The following OPCML variants were observed in gnomAD, a reference collection of about 807,000 sequenced individuals.
The protein encoded by OPCML is opioid-binding protein/cell adhesion molecule.
Under a neutral mutation model 37.8 loss-of-function variants are expected in OPCML, and 13 were observed. The ratio of observed to expected loss-of-function variants is 0.34; its 90% CI spans 0.22 to 0.55. The LOEUF (loss-of-function observed/expected upper bound fraction) is 0.55. Ranked by LOEUF, OPCML falls within the 20% of genes least tolerant of loss-of-function variation. OPCML has a pLI of 0.91. For missense variants in OPCML, 341 were observed against 435.6 expected (o/e 0.78, Z 1.93); for synonymous variants, 176 against 168.8 (o/e 1.04, Z -0.33).
rs112351877 is a variant in OPCML, at chr11:133,136,159, A to G, written c.62-193149T>C. ...TAGGAGACACCTAAGAAAAATTAAT[A>G]ATGCATACAGTAAAACCCATTTAGG... On this transcript the variant is annotated intron_variant, in intron 1 of 7. Transcript: ENST00000524381. Among the ~76,000 whole-genome samples the G allele has an allele frequency of 3.6e-3, 548 of 152,330 alleles. 1 individual carries two copies. The highest frequency in any genetic ancestry group is 0.012 in the African/African-American group (508 of 41,574).
intron 1 of OPCML, among the ~76,000 whole-genome samples, chr11:132,984,633 C>G (rs189694429): frequency 6.6e-6 from 1 of 152,200 alleles, no homozygotes; most frequent in East Asian, 1.9e-4. Flanking sequence ...TATTTTCCAT[C>G]GCTATGTGTA....
chr11:132,933,890 G>C (rs925392191), intron 2 of OPCML, among the ~76,000 whole-genome samples: 1 of 152,126 alleles, frequency 6.6e-6, no homozygotes, highest in Non-Finnish European at 1.5e-5. Flanking sequence ...CAATATCTCA[G>C]TGTAAGCCCA....
At chr11:132,543,355 C>T (rs926720355) in intron 3 of OPCML, among the ~76,000 whole-genome samples, 1 of 151,558 alleles carries the variant, frequency 6.6e-6, no homozygotes, top group Non-Finnish European at 1.5e-5. Flanking sequence ...CTTTAAAATG[C>T]ACACACACAC....
intron 3 of OPCML, among the ~76,000 whole-genome samples, chr11:132,632,977 C>T (rs978956234): frequency 6.7e-5 from 10 of 149,626 alleles, no homozygotes; most frequent in South Asian, 4.2e-4. Context: ...TCCAGGATGA[C>T]GAATTTATTC....
intron 3 of OPCML, among the ~76,000 whole-genome samples, chr11:132,629,539 T>C (rs549836041): frequency 3.5e-4 from 53 of 152,338 alleles, no homozygotes; most frequent in Middle Eastern, 3.4e-3. Context: ...CAAGAAACTT[T>C]CAGAAGTTAG....
intron 1 of OPCML, among the ~76,000 whole-genome samples, chr11:133,180,515 G>A (rs561134431): frequency 6.6e-5 from 10 of 152,210 alleles, no homozygotes; most frequent in African/African-American, 2.4e-4. Flanking sequence ...AGGGGCAAGA[G>A]GATCTGCACA....
rs141235423 is a variant in OPCML at position 132,783,078 on chromosome 11, C to A, written c.147-125759G>T. 1.7e-3 allele frequency among the ~76,000 whole-genome samples: 263 copies of A among 151,908 alleles called. 1 individual carries two copies. The highest frequency in any genetic ancestry group is 6.1e-3 in the African/African-American group (252 of 41,420). ...CTGTGGAAGTTTGAAAAGGTCAGTT[C>A]ACCTCTTTGGGTGAACCTACTTATT... On this transcript the variant is annotated intron_variant, in intron 2 of 7. Transcript: ENST00000524381.
chr11:132,573,625 T>G (rs534486740), intron 3 of OPCML, among the ~76,000 whole-genome samples: 6 of 151,998 alleles, frequency 3.9e-5, no homozygotes, highest in Non-Finnish European at 7.4e-5. Flanking sequence ...CTGTCCAATT[T>G]GGTTTGCTAA....
intron 3 of OPCML, among the ~76,000 whole-genome samples, chr11:132,571,937 T>TA (rs2096439572): frequency 1.3e-5 from 2 of 152,276 alleles, no homozygotes; most frequent in South Asian, 2.1e-4. Context: ...ATATTTATTT[T>TA]AAAAAAATTG....
At chr11:132,776,904 A>T (rs760417012) in intron 2 of OPCML, among the ~76,000 whole-genome samples, 1 of 151,980 alleles carries the variant, frequency 6.6e-6, no homozygotes, top group Non-Finnish European at 1.5e-5. Context: ...TTCCTGGAGA[A>T]TTTCCCTCTA....
At chr11:132,875,336 C>A (rs1254222516) in intron 2 of OPCML, among the ~76,000 whole-genome samples, 1 of 151,986 alleles carries the variant, frequency 6.6e-6, no homozygotes, top group Non-Finnish European at 1.5e-5. Context: ...GGAATAATAT[C>A]AAAATTATAA....
chr11:133,071,286 G>A (rs4406836), intron 1 of OPCML, among the ~76,000 whole-genome samples: 53,786 of 152,020 alleles, frequency 0.35, 11,310 homozygotes, highest in African/African-American at 0.56. Flanking sequence ...GTGTGTATGT[G>A]TGTGTGTGTT....
intron 1 of OPCML, among the ~76,000 whole-genome samples, chr11:133,483,647 G>T (rs1947435283): frequency 6.7e-6 from 1 of 148,454 alleles, no homozygotes; most frequent in African/African-American, 2.5e-5. Flanking sequence ...TAATAGATTA[G>T]GTAGATAGAC....
chr11:132,880,378 T>A (rs909840320), intron 2 of OPCML, among the ~76,000 whole-genome samples: 1 of 152,212 alleles, frequency 6.6e-6, no homozygotes, highest in African/African-American at 2.4e-5. Context: ...CCACGGGCCT[T>A]ATCTTTTGAT....
intron 1 of OPCML, among the ~76,000 whole-genome samples, chr11:133,251,385 G>C (rs1941129148): frequency 6.6e-6 from 1 of 152,048 alleles, no homozygotes; most frequent in South Asian, 2.1e-4. Context: ...ATCGTGTAGG[G>C]CATAGAACTC....
rs184633540 is a variant in OPCML, at chr11:133,009,132, C to A, written c.62-66122G>T. The A allele has an allele frequency of 1.1e-4, 107 of 985,346 alleles. 1 individual carries two copies. The East Asian group carries it at 5.9e-3, about 54-fold the overall frequency. The allele number at this position is 985,346 out of a possible 1,614,324, so 61.0% of individuals were successfully genotyped here. ...CTTTAATTCTATTTAACAGAGAACA[C>A]TGATTTAGATTAGGATTTATTTACT... On this transcript the variant is annotated intron_variant, in intron 1 of 7. Coordinates refer to ENST00000524381, the MANE Select transcript of OPCML (RefSeq NM_001012393.5).
chr11:132,657,236 A>G lies in OPCML; in HGVS notation c.230T>C (p.Ile77Thr), dbSNP rs779043744. 1.9e-6 allele frequency: 3 copies of G among 1,614,140 alleles called. No homozygotes were observed. Among genetic ancestry groups the G allele is most frequent in the Non-Finnish European group, 2.5e-6 (3 of 1,180,052 alleles). ...GACCAGGATGATCACACGAGGGTCT[A>G]TGGACCACTTGTCATTCCCAGCGTA... ...ILYAGNDKWS[I>T]DPRVIILVNT... The change falls in exon 3 of 8, where the codon ATA becomes ACA. Residue 77 changes from isoleucine to threonine, a missense_variant. Coordinates refer to ENST00000524381, the MANE Select transcript of OPCML (RefSeq NM_001012393.5).
intron 2 of OPCML, among the ~76,000 whole-genome samples, chr11:132,771,028 T>G (rs144715491): frequency 1.3e-5 from 2 of 152,304 alleles, no homozygotes; most frequent in African/African-American, 4.8e-5. Flanking sequence ...CTAGGAGTCC[T>G]GATCGCAGGG....
chr11:133,379,134 C>G (rs1308577528), intron 1 of OPCML, among the ~76,000 whole-genome samples: 1 of 152,128 alleles, frequency 6.6e-6, no homozygotes, highest in Non-Finnish European at 1.5e-5. Context: ...AAGCAGAGAC[C>G]AATATCATAA....
Sources: allele counts gnomAD v4.1 joint callset (sites outside exome capture counted in the v4.1 genomes callset), GRCh38; gene constraint gnomAD v4.1.1; transcripts MANE v1.5; gene names NCBI Gene and HGNC (gene_info 2026-07-23, HGNC 2026-07-21).